RALYL: variants seen among roughly 807,000 people sequenced by gnomAD.
The protein encoded by RALYL is RALY RNA binding protein like, also known as RNA-binding Raly-like protein.
In RALYL, 29 loss-of-function variants were observed where a neutral mutation model predicts 35.1. That is an observed-to-expected ratio of 0.83 (90% confidence interval 0.61 to 1.13). The LOEUF is 1.13. RALYL is among the 50% of genes most tolerant of loss of function. The pLI, the probability that RALYL is intolerant of heterozygous loss-of-function variation, is 0.00. For synonymous variants in RALYL, 120 were observed against 127.6 expected (o/e 0.94, Z 0.40); for missense variants, 359 against 360.4 (o/e 1.00, Z 0.03).
intron 2 of RALYL, among the ~76,000 whole-genome samples, chr8:84,573,757 T>C (rs1667840387): frequency 6.6e-6 from 1 of 151,972 alleles, no homozygotes; most frequent in South Asian, 2.1e-4. Flanking sequence ...TATTGCTGTA[T>C]TTTCTCTGAT....
At chr8:84,738,704 A>C (rs549615747) in intron 2 of RALYL, among the ~76,000 whole-genome samples, 213 of 152,174 alleles carry the variant, frequency 1.4e-3, no homozygotes, top group Non-Finnish European at 2.2e-3. Flanking sequence ...ATACTTTAGC[A>C]CATTGTAAAC....
intron 2 of RALYL, among the ~76,000 whole-genome samples, chr8:84,609,508 A>T (rs547579954): frequency 3.9e-5 from 6 of 152,288 alleles, no homozygotes; most frequent in Admixed American, 2.0e-4. Flanking sequence ...TACACATTAA[A>T]AGTATTCATT....
chr8:84,851,305 T>A (rs1191082465), intron 5 of RALYL, among the ~76,000 whole-genome samples: 2 of 152,202 alleles, frequency 1.3e-5, no homozygotes, highest in Admixed American at 1.3e-4. Flanking sequence ...TTATTATTTA[T>A]GCATTTATTT....
intron 2 of RALYL, among the ~76,000 whole-genome samples, chr8:84,581,740 A>T (rs540213102): frequency 6.6e-6 from 1 of 151,600 alleles, no homozygotes; most frequent in South Asian, 2.1e-4. Flanking sequence ...TATATCCTAT[A>T]AAATGAGATA....
intron 1 of RALYL, among the ~76,000 whole-genome samples, chr8:84,365,016 T>C (rs1586622611): frequency 6.6e-6 from 1 of 152,266 alleles, no homozygotes; most frequent in East Asian, 1.9e-4. Context: ...ATGGGAATGA[T>C]AGACGCTATT....
At chr8:84,687,041 G>A (rs1337151721) in intron 2 of RALYL, among the ~76,000 whole-genome samples, 1 of 152,072 alleles carries the variant, frequency 6.6e-6, no homozygotes, top group African/African-American at 2.4e-5. Context: ...GCAACTTCAT[G>A]AATTCTAATC....
chr8:84,575,559 T>G (rs565734450), intron 2 of RALYL, among the ~76,000 whole-genome samples: 12 of 152,292 alleles, frequency 7.9e-5, no homozygotes, highest in Admixed American at 2.0e-4. Context: ...ATCATTCTTT[T>G]GGGGCTTATC....
intron 6 of RALYL, among the ~76,000 whole-genome samples, chr8:84,869,013 T>TTA (rs139498971): frequency 0.028 from 4,296 of 151,172 alleles, 195 homozygotes; most frequent in African/African-American, 0.097. Flanking sequence ...TATAGGATAT[T>TTA]TATATATATA....
At position 84,540,644 on chromosome 8, in the gene RALYL, A is replaced by C. The variant is rs563889521; in HGVS notation, c.256+11067A>C. Among the ~76,000 whole-genome samples, 16 of 152,018 alleles carry C rather than the reference A, an allele frequency of 1.1e-4. 1 individual carries two copies. The South Asian group carries it at 3.3e-3, about 32-fold the overall frequency. ...TATAATATTTTTTCTGGTTATGTCC[A>C]TGCCATTTGTACTGTCGAGGAGATG... On this transcript the variant is annotated intron_variant, in intron 2 of 8. Transcript: ENST00000521268.
At chr8:84,714,975 AT>A (rs143913903) in intron 2 of RALYL, among the ~76,000 whole-genome samples, 20,585 of 151,866 alleles carry the variant, frequency 0.14, 1,978 homozygotes, top group Non-Finnish European at 0.19. Flanking sequence ...TACAAAAAAA[AT>A]GAAAGTATGT....
At chr8:84,285,288 TA>T (rs1460514974) in intron 1 of RALYL, among the ~76,000 whole-genome samples, 1 of 152,206 alleles carries the variant, frequency 6.6e-6, no homozygotes, top group Non-Finnish European at 1.5e-5. Context: ...TTCAAAGATC[TA>T]AAAAGTCATT....
intron 2 of RALYL, among the ~76,000 whole-genome samples, chr8:84,586,296 G>T (rs545417291): frequency 6.6e-6 from 1 of 152,132 alleles, no homozygotes; most frequent in Non-Finnish European, 1.5e-5. Context: ...CTAACTAAAT[G>T]CAAGCTTCAA....
chr8:84,415,205 G>GT (rs33962115), intron 1 of RALYL, among the ~76,000 whole-genome samples: 11,555 of 54,344 alleles, frequency 0.21, 671 homozygotes, highest in Admixed American at 0.33. Context: ...GCAGACACTC[G>GT]TTTTTTTTTT....
chr8:84,846,049 T>C (rs1422722468), intron 4 of RALYL, among the ~76,000 whole-genome samples: 1 of 152,200 alleles, frequency 6.6e-6, no homozygotes, highest in Non-Finnish European at 1.5e-5. Flanking sequence ...CCTTGTAGTA[T>C]AGTTTGAAGT....
At chr8:84,431,163 C>A (rs1396986671) in intron 1 of RALYL, among the ~76,000 whole-genome samples, 1 of 152,074 alleles carries the variant, frequency 6.6e-6, no homozygotes, top group African/African-American at 2.4e-5. Flanking sequence ...CATCTTTAGC[C>A]CTCACAACAG....
chr8:84,517,286 C>T (rs1224004275), intron 1 of RALYL, among the ~76,000 whole-genome samples: 1 of 152,044 alleles, frequency 6.6e-6, no homozygotes, highest in Non-Finnish European at 1.5e-5. Context: ...TAACAAACAC[C>T]AAAGCTTATA....
intron 1 of RALYL, among the ~76,000 whole-genome samples, chr8:84,407,018 C>A (rs577529323): frequency 9.6e-4 from 143 of 148,212 alleles, no homozygotes; most frequent in African/African-American, 1.6e-3. Flanking sequence ...CTCTCTCTCT[C>A]TATATATATA....
chr8:84,731,278 A>T (rs72681025), intron 2 of RALYL, among the ~76,000 whole-genome samples: 1 of 152,120 alleles, frequency 6.6e-6, no homozygotes, highest in South Asian at 2.1e-4. Flanking sequence ...ACTCATGTTC[A>T]TTTGGCCCTC....
chr8:84,349,133 T>C lies in RALYL; in HGVS notation c.-24+164709T>C, dbSNP rs989261717. Among the ~76,000 whole-genome samples, 5 of 149,996 alleles carry C rather than the reference T, an allele frequency of 3.3e-5. 1 individual carries two copies. Among genetic ancestry groups the C allele is most frequent in the African/African-American group, 1.2e-4 (5 of 40,214 alleles). ...TTCTTGGCTTTCCCTGGATTTACCTTCCTATTTAAGTTTTATCATATGTCC... is the reference window on the plus strand; with the variant it reads ...TTCTTGGCTTTCCCTGGATTTACCTCCCTATTTAAGTTTTATCATATGTCC... On this transcript the variant is annotated intron_variant, in intron 1 of 8. Coordinates refer to ENST00000521268, the MANE Select transcript of RALYL (RefSeq NM_173848.7).
Sources: allele counts gnomAD v4.1 joint callset (sites outside exome capture counted in the v4.1 genomes callset), GRCh38; gene constraint gnomAD v4.1.1; transcripts MANE v1.5; gene names NCBI Gene and HGNC (gene_info 2026-07-23, HGNC 2026-07-21).